APP: variants seen among roughly 807,000 people sequenced by gnomAD.
APP encodes the protein amyloid-beta precursor protein.
In APP, 31 loss-of-function variants were observed where a neutral mutation model predicts 101.4. That is an observed-to-expected ratio of 0.31 (90% CI 0.23 to 0.41). APP has a LOEUF of 0.41. Ranked by LOEUF, APP falls within the 10% of genes least tolerant of loss-of-function variation. The pLI, the probability that APP is intolerant of heterozygous loss-of-function variation, is 1.00. For missense variants in APP, 839 were observed against 1,003.7 expected, an observed-to-expected ratio of 0.84 and a Z score of 2.22; for synonymous variants, 366 against 364.4, an observed-to-expected ratio of 1.00 and a Z score of -0.05.
chr21:25,999,093 C>G (rs1049142604), intron 7 of APP, among the ~76,000 whole-genome samples: 7 of 152,140 alleles, frequency 4.6e-5, no homozygotes, highest in African/African-American at 1.7e-4. Flanking sequence ...GAGTTCGAGA[C>G]CAGCCTGGTC....
chr21:26,146,655 C>T (rs376640931), intron 1 of APP, among the ~76,000 whole-genome samples: 3 of 152,124 alleles, frequency 2.0e-5, no homozygotes, highest in African/African-American at 4.8e-5. Flanking sequence ...ACAGATAAAA[C>T]AAGACTGGGT....
intron 1 of APP, 60 bp from the exon 2 acceptor site, chr21:26,112,206 G>A: frequency 6.5e-7 from 1 of 1,534,646 alleles, no homozygotes; most frequent in Non-Finnish European, 9.0e-7. Flanking sequence ...AGGCTTGGAG[G>A]AAGAACAGGG....
intron 2 of APP, among the ~76,000 whole-genome samples, chr21:26,094,601 A>ATAAAGATATAAATATAGTTCATTTATATT: frequency 6.7e-6 from 1 of 149,094 alleles, no homozygotes. Flanking sequence ...TAGCTCATTT[A>ATAAAGATATAAATATAGTTCATTTATATT]TAAAGATATA....
At chr21:26,017,966 A>T (rs1247746267) in intron 6 of APP, among the ~76,000 whole-genome samples, 1 of 152,140 alleles carries the variant, frequency 6.6e-6, no homozygotes, top group Non-Finnish European at 1.5e-5. Flanking sequence ...TTTTTTTGAG[A>T]CAGGGTCCCA....
chr21:26,081,135 T>A (rs999137874), intron 3 of APP, among the ~76,000 whole-genome samples: 1 of 152,218 alleles, frequency 6.6e-6, no homozygotes, highest in Admixed American at 6.5e-5. Flanking sequence ...TATTCACTTA[T>A]GTTACACCAT....
intron 9 of APP, among the ~76,000 whole-genome samples, chr21:25,978,595 TAA>T (rs1846860809): frequency 6.6e-6 from 1 of 152,154 alleles, no homozygotes; most frequent in African/African-American, 2.4e-5. Flanking sequence ...TTAGGTGAGC[TAA>T]GTTTATTTAT....
intron 13 of APP, among the ~76,000 whole-genome samples, chr21:25,925,889 T>C (rs899095142): frequency 6.6e-6 from 1 of 152,190 alleles, no homozygotes; most frequent in Non-Finnish European, 1.5e-5. Context: ...TGAGCCGAGA[T>C]TGTGCCAACT....
intron 2 of APP, among the ~76,000 whole-genome samples, chr21:26,106,631 G>A (rs1264106579): frequency 3.3e-5 from 5 of 152,128 alleles, no homozygotes; most frequent in African/African-American, 1.2e-4. Flanking sequence ...TCTGAGCCAC[G>A]GAGCTCGGCC....
intron 13 of APP, among the ~76,000 whole-genome samples, chr21:25,952,877 T>C (rs2041153104): frequency 6.6e-6 from 1 of 152,236 alleles, no homozygotes; most frequent in South Asian, 2.1e-4. Flanking sequence ...TAATACATAG[T>C]ATTTTAAAGG....
intron 11 of APP, among the ~76,000 whole-genome samples, chr21:25,956,673 A>G (rs573681780): frequency 1.3e-5 from 2 of 152,322 alleles, no homozygotes; most frequent in South Asian, 4.1e-4. Context: ...TGTCATGAGT[A>G]CCCTGAAAAC....
In APP at chr21:26,153,394, A is replaced by AT. The variant is rs1299985633; in HGVS notation, c.57+17169dup. Among the ~76,000 whole-genome samples, 5 of 152,174 alleles carry AT rather than the reference A, an allele frequency of 3.3e-5. No individual in the cohort carries two copies. The East Asian group carries it at 7.7e-4, about 23-fold the overall frequency. The stretch of plus-strand genomic sequence containing the variant: ...GAAAACACTGTTTTAAAAATGGTGG[A>AT]TTTTTTTAAGGTTAAAGGTATATAA... On this transcript the variant is annotated intron_variant, in intron 1 of 17. Coordinates refer to ENST00000346798, the MANE Select transcript of APP (RefSeq NM_000484.4).
chr21:26,004,244 G>A (rs1291790310), intron 6 of APP, among the ~76,000 whole-genome samples: 1 of 148,922 alleles, frequency 6.7e-6, no homozygotes, highest in East Asian at 2.0e-4. Flanking sequence ...TGTACTGAGT[G>A]AAGACTATGC....
chr21:25,884,642 A>G lies in APP; in HGVS notation c.2212-2871T>C, dbSNP rs562630371. Reference sequence around the variant, plus strand: ...AGCAGTACGCCATTTGAACTTGGGCATCATTTTTGCTCCCCATCACCTCGA... The same window carrying G: ...AGCAGTACGCCATTTGAACTTGGGCGTCATTTTTGCTCCCCATCACCTCGA... On this transcript the variant is annotated intron_variant, in intron 17 of 17. Coordinates refer to ENST00000346798, the MANE Select transcript of APP (RefSeq NM_000484.4). 2.0e-5 allele frequency among the ~76,000 whole-genome samples: 3 copies of G among 152,322 alleles called. No homozygotes were observed. In the South Asian group the frequency reaches 6.2e-4, roughly 32 times the overall value.
intron 6 of APP, 28 bp downstream of exon 6, chr21:26,021,812 G>A (rs561016245): frequency 6.2e-7 from 1 of 1,609,966 alleles, no homozygotes; most frequent in Admixed American, 1.7e-5. Context: ...CTTGGGGGTG[G>A]GGGGAATCCA....
chr21:26,122,233 T>C (rs2062589360), intron 1 of APP, among the ~76,000 whole-genome samples: 2 of 152,168 alleles, frequency 1.3e-5, no homozygotes, highest in African/African-American at 4.8e-5. Context: ...GAGAGGTAGT[T>C]AGCGGGATTT....
intron 2 of APP, among the ~76,000 whole-genome samples, chr21:26,096,877 TC>T (rs1010217607): frequency 6.6e-6 from 1 of 152,026 alleles, no homozygotes; most frequent in African/African-American, 2.4e-5. Flanking sequence ...AAGCAGTTAG[TC>T]CAGGAAAGGA....
chr21:26,115,237 T>C (rs1330039006), intron 1 of APP, among the ~76,000 whole-genome samples: 11 of 152,228 alleles, frequency 7.2e-5, no homozygotes, highest in Admixed American at 7.2e-4. Context: ...TGGTTGTGTG[T>C]ATAGATCTTC....
At chr21:26,059,890 C>CAAAAAAAAAAAAAAAAAAAA (rs57594630) in intron 3 of APP, among the ~76,000 whole-genome samples, 3 of 70,658 alleles carry the variant, frequency 4.2e-5, no homozygotes, top group East Asian at 1.1e-3. Flanking sequence ...GACTCCGTCT[C>CAAAAAAAAAAAAAAAAAAAA]AAAAAAAAAA....
At chr21:25,946,497 C>T (rs1204720664) in intron 13 of APP, among the ~76,000 whole-genome samples, 2 of 151,982 alleles carry the variant, frequency 1.3e-5, no homozygotes, top group African/African-American at 4.8e-5. Context: ...AAAACCCTGT[C>T]TCTACTAAAA....
Sources: allele counts gnomAD v4.1 joint callset (sites outside exome capture counted in the v4.1 genomes callset), GRCh38; gene constraint gnomAD v4.1.1; transcripts MANE v1.5; gene names NCBI Gene and HGNC (gene_info 2026-07-23, HGNC 2026-07-21).